Variants in GDAP1 observed in about 807,000 individuals in gnomAD.
GDAP1 encodes ganglioside-induced differentiation-associated protein 1.
A neutral mutation model predicts 40.1 loss-of-function variants in GDAP1; 34 were observed. The observed-to-expected ratio is 0.85, with a 90% CI of 0.64 to 1.13. The LOEUF (loss-of-function observed/expected upper bound fraction) is 1.13. GDAP1 is among the 50% of genes most tolerant of loss of function. The pLI, the probability that GDAP1 is intolerant of heterozygous loss-of-function variation, is 0.00. For synonymous variants in GDAP1, 170 were observed against 157.4 expected, an observed-to-expected ratio of 1.08 and a Z score of -0.60; for missense variants, 374 against 433.7, an observed-to-expected ratio of 0.86 and a Z score of 1.22.
At chr8:74,402,354 G>A (rs970765384) in intron 2 of GDAP1, among the ~76,000 whole-genome samples, 8 of 150,380 alleles carry the variant, frequency 5.3e-5, no homozygotes, top group South Asian at 4.1e-4. Flanking sequence ...AGGACCCTCC[G>A]AGCCAGTTGC....
At chr8:74,433,183 A>G (rs1476202150) in intron 2 of GDAP1, among the ~76,000 whole-genome samples, 1 of 152,088 alleles carries the variant, frequency 6.6e-6, no homozygotes, top group Admixed American at 6.5e-5. Context: ...TCCTATCTAA[A>G]TTAGCCCTTA....
chr8:74,402,868 C>G (rs1007288758), intron 2 of GDAP1, among the ~76,000 whole-genome samples: 5 of 150,094 alleles, frequency 3.3e-5, no homozygotes, highest in Admixed American at 3.3e-4. Flanking sequence ...TATATCTGAA[C>G]AGATATATAA....
intron 2 of GDAP1, among the ~76,000 whole-genome samples, chr8:74,477,759 C>T (rs1449376581): frequency 6.6e-6 from 1 of 152,188 alleles, no homozygotes; most frequent in Non-Finnish European, 1.5e-5. Flanking sequence ...AATCTGTCTT[C>T]ATTCACATAT....
rs1314597092 is a variant in GDAP1, at chr8:74,450,779, G to A, written c.166-37899G>A. On this transcript the variant is annotated intron_variant, in intron 2 of 2. Coordinates refer to the GDAP1 transcript ENST00000523640. ...TTTACATTAATATAATTACTGATAT[G>A]TTTGGATTTATGTCCACCGTTTCCT... Among the ~76,000 whole-genome samples, 2 of 80,664 alleles carry A rather than the reference G, an allele frequency of 2.5e-5. 1 individual carries two copies. Among genetic ancestry groups the A allele is most frequent in the Non-Finnish European group, 5.0e-5 (2 of 40,110 alleles). 52.9% of individuals were successfully genotyped at this position (80,664 alleles called of 152,430 possible). A position where few individuals can be genotyped will look rare whatever the true frequency, so the allele number is the denominator to read the frequency against.
chr8:74,455,742 G>T (rs1049188127), intron 2 of GDAP1, among the ~76,000 whole-genome samples: 1 of 151,706 alleles, frequency 6.6e-6, no homozygotes, highest in Admixed American at 6.6e-5. Flanking sequence ...ATATGTTTGG[G>T]TGTGCCAAGT....
At chr8:74,430,959 C>CA (rs1246723161) in intron 2 of GDAP1, among the ~76,000 whole-genome samples, 1 of 147,952 alleles carries the variant, frequency 6.8e-6, no homozygotes, top group East Asian at 2.0e-4. Context: ...CCCTAGTGCA[C>CA]AAAAAAGAAT....
chr8:74,435,309 A>G (rs1806074977), intron 2 of GDAP1, among the ~76,000 whole-genome samples: 1 of 152,194 alleles, frequency 6.6e-6, no homozygotes, highest in South Asian at 2.1e-4. Flanking sequence ...ATAAAGGTAG[A>G]CTAACCCTCA....
intron 2 of GDAP1, among the ~76,000 whole-genome samples, chr8:74,423,966 C>G (rs1441586626): frequency 6.6e-6 from 1 of 152,098 alleles, no homozygotes; most frequent in Non-Finnish European, 1.5e-5. Context: ...TGGGCTGCAA[C>G]CCTGGAATGT....
intron 2 of GDAP1, among the ~76,000 whole-genome samples, chr8:74,458,319 A>G (rs1291622463): frequency 2.0e-5 from 3 of 152,178 alleles, no homozygotes; most frequent in Non-Finnish European, 2.9e-5. Context: ...TGAGTAAATG[A>G]CCATGACCAG....
chr8:74,402,314 T>C (rs1586823255), intron 2 of GDAP1, among the ~76,000 whole-genome samples: 1 of 150,242 alleles, frequency 6.7e-6, no homozygotes, highest in East Asian at 1.9e-4. Flanking sequence ...CAGACAGCAG[T>C]GCTAGCAATC....
intron 2 of GDAP1, among the ~76,000 whole-genome samples, chr8:74,401,057 C>G (rs1403020276): frequency 1.3e-5 from 2 of 149,200 alleles, no homozygotes; most frequent in Non-Finnish European, 2.9e-5. Context: ...CGAGGAGTAT[C>G]TTTGTGGCGT....
intron 2 of GDAP1, among the ~76,000 whole-genome samples, chr8:74,423,219 T>A (rs1805902081): frequency 6.8e-6 from 1 of 147,092 alleles, no homozygotes. Context: ...TATATATGTA[T>A]ACTATATATA....
At chr8:74,355,451 A>G (rs1233725715) in intron 2 of GDAP1, among the ~76,000 whole-genome samples, 3 of 152,226 alleles carry the variant, frequency 2.0e-5, no homozygotes, top group African/African-American at 7.2e-5. Context: ...ATTACTGTAC[A>G]GTTTTATAGA....
intron 2 of GDAP1, among the ~76,000 whole-genome samples, chr8:74,469,597 GA>G: frequency 6.6e-6 from 1 of 151,736 alleles, no homozygotes; most frequent in East Asian, 2.0e-4. Flanking sequence ...GAACCCCGGG[GA>G]GCGGAGCTTG....
At chr8:74,474,544 A>G (rs1005070833) in intron 2 of GDAP1, among the ~76,000 whole-genome samples, 4 of 152,146 alleles carry the variant, frequency 2.6e-5, no homozygotes, top group African/African-American at 9.7e-5. Flanking sequence ...GCATCTTTTG[A>G]GATAATCATG....
chr8:74,410,373 T>C (rs188912026), intron 2 of GDAP1, among the ~76,000 whole-genome samples: 293 of 150,332 alleles, frequency 1.9e-3, no homozygotes, highest in Middle Eastern at 3.4e-3. Flanking sequence ...GGAGGCTTCA[T>C]AACTAAATTA....
intron 2 of GDAP1, among the ~76,000 whole-genome samples, chr8:74,485,988 C>T (rs1806771536): frequency 6.6e-6 from 1 of 152,146 alleles, no homozygotes; most frequent in African/African-American, 2.4e-5. Flanking sequence ...TGGTACTGAA[C>T]TCAGGGGCAG....
chr8:74,383,626 CT>C (rs1438144898), intron 2 of GDAP1, among the ~76,000 whole-genome samples: 1 of 152,130 alleles, frequency 6.6e-6, no homozygotes, highest in East Asian at 1.9e-4. Flanking sequence ...CCAAATCTTT[CT>C]TTTCATCTTC....
chr8:74,399,185 C>T lies in GDAP1; in HGVS notation c.165+47864C>T, dbSNP rs1266561919. On this transcript the variant is annotated intron_variant, in intron 2 of 2. Coordinates refer to the GDAP1 transcript ENST00000523640. Reference sequence around the variant, plus strand: ...CTGTCAATCCATCTGGTCCTGGACTCTTTTTGGTTGGTAAGCTATTGATTA... The same window carrying T: ...CTGTCAATCCATCTGGTCCTGGACTTTTTTTGGTTGGTAAGCTATTGATTA... Among the ~76,000 whole-genome samples, 4 of 151,442 alleles carry T rather than the reference C, an allele frequency of 2.6e-5. No homozygotes were observed. The East Asian group carries it at 5.8e-4, about 22-fold the overall frequency.
Sources: gnomAD v4.1 joint callset for allele counts (sites outside exome capture counted in the v4.1 genomes callset) on GRCh38, gnomAD v4.1.1 for gene constraint, MANE v1.5 for transcripts, NCBI Gene and HGNC (gene_info 2026-07-23, HGNC 2026-07-21) for gene names.